RAI1: variants seen among roughly 807,000 people sequenced by gnomAD.
RAI1 encodes retinoic acid-induced protein 1.
In RAI1, 9 loss-of-function variants were observed where a neutral mutation model predicts 123.8. That is an observed-to-expected ratio of 0.07 (90% confidence interval 0.04 to 0.13). The LOEUF is 0.13. Among genes scored for constraint, RAI1 ranks in the 10% least tolerant of loss-of-function variants. The pLI, the probability that RAI1 is intolerant of heterozygous loss-of-function variation, is 1.00. For synonymous variants in RAI1, 1,231 were observed against 1,127.3 expected (o/e 1.09, Z -1.84); for missense variants, 2,256 against 2,545.8 (o/e 0.89, Z 2.45).
chr17:17,774,270 G>A lies in RAI1; in HGVS notation c.-16-18663G>A, dbSNP rs182371341. 1.5e-3 allele frequency among the ~76,000 whole-genome samples: 234 copies of A among 152,340 alleles called. 1 individual carries two copies. The highest frequency in any genetic ancestry group is 5.4e-3 in the African/African-American group (223 of 41,568). The stretch of plus-strand genomic sequence containing the variant: ...ATCCCTATTTTATGGGTGAGGAAGC[G>A]GAAGCCCAGCAAGTTGGGGTGACTC... On this transcript the variant is annotated intron_variant, in intron 2 of 5. Coordinates refer to ENST00000353383, the MANE Select transcript of RAI1 (RefSeq NM_030665.4).
intron 1 of RAI1, among the ~76,000 whole-genome samples, chr17:17,711,903 G>T (rs766083162): frequency 6.6e-6 from 1 of 152,220 alleles, no homozygotes; most frequent in Admixed American, 6.5e-5. Flanking sequence ...ATGTCCCCAG[G>T]CCCAGCCCTT....
chr17:17,732,439 ACTGGATCTG>A (rs1916301984), intron 2 of RAI1, among the ~76,000 whole-genome samples: 1 of 152,152 alleles, frequency 6.6e-6, no homozygotes, highest in African/African-American at 2.4e-5. Context: ...CACTGTGGTG[ACTGGATCTG>A]CCATTCACTT....
intron 1 of RAI1, among the ~76,000 whole-genome samples, chr17:17,690,389 CAAA>C (rs34265723): frequency 2.9e-4 from 36 of 122,250 alleles, no homozygotes; most frequent in Admixed American, 3.5e-4. Context: ...GACCTTGTCT[CAAA>C]AAAAAAAAAA....
chr17:17,807,560 A>C (rs2032619154), intron 4 of RAI1, among the ~76,000 whole-genome samples: 1 of 152,204 alleles, frequency 6.6e-6, no homozygotes, highest in South Asian at 2.1e-4. Flanking sequence ...CCAACCTGTC[A>C]GTGAGTGCCC....
In RAI1 at chr17:17,795,751, G is replaced by A. The variant is rs750084480; in HGVS notation, c.2803G>A (p.Glu935Lys). 52 of 1,613,382 alleles carry A rather than the reference G, an allele frequency of 3.2e-5. No individual in the cohort carries two copies. The highest frequency in any genetic ancestry group is 1.6e-4 in the South Asian group (15 of 91,078). The change falls in exon 3 of 6, where the codon GAG becomes AAG. Residue 935 changes from glutamate to lysine, a missense_variant. Transcript: ENST00000353383. This position sits in a 1 kb window ranked among gnomAD's most constrained non-coding sequence, Gnocchi z 5.9. Reference protein sequence around the residue: ...VILLGPTVGTESKVQSWFESS... With the variant: ...VILLGPTVGTKSKVQSWFESS... The stretch of plus-strand genomic sequence containing the variant: ...CCTGCTGGGCCCTACAGTGGGCACC[G>A]AGTCAAAGGTCCAGAGCTGGTTTGA...
chr17:17,696,327 A>G (rs1246171358), intron 1 of RAI1, among the ~76,000 whole-genome samples: 1 of 151,988 alleles, frequency 6.6e-6, no homozygotes, highest in Non-Finnish European at 1.5e-5. Flanking sequence ...AGACTTTTGG[A>G]AAATATGACA....
At chr17:17,719,587 C>T (rs1453542067) in intron 1 of RAI1, among the ~76,000 whole-genome samples, 1 of 152,198 alleles carries the variant, frequency 6.6e-6, no homozygotes, top group Non-Finnish European at 1.5e-5. Context: ...TTCCATAGCA[C>T]GCTTCACCTA....
chr17:17,797,492 C>T lies in RAI1; in HGVS notation c.4544C>T (p.Pro1515Leu). Residue 1515 changes from proline (P) to leucine (L), a missense_variant, in exon 3 of 6, where the codon CCC (proline) becomes CTC (leucine). Pro to Leu is a moderately conservative substitution (Grantham distance 98). Around this residue, in one of 7 missense-constraint regions of RAI1, gnomAD observed 410 missense variants for 374.6 expected, o/e 1.09. Coordinates refer to ENST00000353383, the MANE Select transcript of RAI1 (RefSeq NM_030665.4). The part of the protein sequence containing the change: ...GLASQPPEGR[P>L]CQPQTRAQKQ... ...GCCTCCCAGCCCCCGGAGGGCAGGC[C>T]CTGCCAGCCCCAGACAAGGGCACAG... 1 of 1,613,292 alleles carries T rather than the reference C, an allele frequency of 6.2e-7. No individual in the cohort carries two copies. Among genetic ancestry groups the T allele is most frequent in the Non-Finnish European group, 8.5e-7 (1 of 1,179,720 alleles).
At chr17:17,728,607 C>A (rs773402263) in intron 2 of RAI1, among the ~76,000 whole-genome samples, 46 of 152,102 alleles carry the variant, frequency 3.0e-4, no homozygotes, top group Non-Finnish European at 6.0e-4. Flanking sequence ...TGGAGCTTCT[C>A]CTTTGAATTT....
intron 1 of RAI1, among the ~76,000 whole-genome samples, chr17:17,683,345 C>G (rs1043795545): frequency 1.3e-5 from 2 of 152,182 alleles, no homozygotes; most frequent in African/African-American, 2.4e-5. Flanking sequence ...CCCCTGCCCC[C>G]CTCCATTCTC....
intron 2 of RAI1, among the ~76,000 whole-genome samples, chr17:17,791,724 C>A (rs2032018623): frequency 1.3e-5 from 2 of 152,216 alleles, no homozygotes; most frequent in Non-Finnish European, 2.9e-5. Flanking sequence ...TCCTCCAAAA[C>A]CTGGGGCATT....
At chr17:17,779,814 G>C (rs1053111299) in intron 2 of RAI1, among the ~76,000 whole-genome samples, 1 of 132,378 alleles carries the variant, frequency 7.6e-6, no homozygotes, top group African/African-American at 2.9e-5. Context: ...TCTCGCCCTT[G>C]CCCAGGCTGG....
In RAI1 at chr17:17,798,042, C is replaced by T; in HGVS notation, c.5094C>T (p.Asp1698=). ...GCCAAAACCCGGCCAACTTCAAGGACCTTGGGGACCTCTGTGGGCCCTACT... is the reference window on the plus strand; with the variant it reads ...GCCAAAACCCGGCCAACTTCAAGGATCTTGGGGACCTCTGTGGGCCCTACT... ...CLCQNPANFK[D]LGDLCGPYYP... is the part of the protein sequence containing the mutation. The change falls in exon 3 of 6, where the codon GAC becomes GAT. Residue 1698 remains aspartate, a synonymous_variant. Coordinates refer to ENST00000353383, the MANE Select transcript of RAI1 (RefSeq NM_030665.4). The T allele has an allele frequency of 3.7e-6, 6 of 1,614,122 alleles. No individual in the cohort carries two copies. The highest frequency in any genetic ancestry group is 5.1e-6 in the Non-Finnish European group (6 of 1,180,024).
In RAI1 at chr17:17,685,728, C is replaced by T. The variant is rs1914605212; in HGVS notation, c.-149+3935C>T. On this transcript the variant is annotated intron_variant, in intron 1 of 5. Coordinates refer to ENST00000353383, the MANE Select transcript of RAI1 (RefSeq NM_030665.4). The surrounding 1 kb of genome is among the most constrained non-coding windows in gnomAD (Gnocchi z 4.0). The stretch of plus-strand genomic sequence containing the variant: ...GATAACCTCCAGTGGCTCCTGCTGC[C>T]TTATGAATAAAGGTCCCATCTGTAG... Among the ~76,000 whole-genome samples, 1 of 152,218 alleles carries T rather than the reference C, an allele frequency of 6.6e-6. No homozygotes were observed. The highest frequency in any genetic ancestry group is 6.5e-5 in the Admixed American group (1 of 15,290).
At position 17,810,846 on chromosome 17, in the gene RAI1, G is replaced by C. The variant is rs770892580; in HGVS notation, c.*865G>C. On this transcript the variant is annotated 3_prime_UTR_variant, in exon 6 of 6. Coordinates refer to ENST00000353383, the MANE Select transcript of RAI1 (RefSeq NM_030665.4). This position sits in a 1 kb window ranked among gnomAD's most constrained non-coding sequence, Gnocchi z 4.6. ...CCGTTGTGCACCACCAGGGACCGCC[G>C]CGCCTACTCTGCACGGGAGCAGGGA... 2.4e-5 allele frequency: 11 copies of C among 451,660 alleles called. No individual in the cohort carries two copies. The highest frequency in any genetic ancestry group is 4.5e-6 in the Non-Finnish European group (1 of 223,260). The allele number at this position is 451,660 out of a possible 1,614,324, so 28.0% of individuals were successfully genotyped here.
At position 17,803,869 on chromosome 17, in the gene RAI1, C is replaced by T. The variant is rs1369490275; in HGVS notation, c.5659+20C>T. 1.9e-6 allele frequency: 3 copies of T among 1,607,684 alleles called. No individual in the cohort carries two copies. Among genetic ancestry groups the T allele is most frequent in the Non-Finnish European group, 2.6e-6 (3 of 1,174,944 alleles). On this transcript the variant is annotated intron_variant, in intron 4 of 5. Transcript: ENST00000353383. ...ATGCAGGTACGAGCCCGCCCAGGAA[C>T]AGGAGGGCATTGGAGCCCATCCAAG...
At chr17:17,719,385 C>T (rs1213672497) in intron 1 of RAI1, among the ~76,000 whole-genome samples, 1 of 152,214 alleles carries the variant, frequency 6.6e-6, no homozygotes, top group African/African-American at 2.4e-5. Flanking sequence ...CCCAGCCTGG[C>T]TGCTGCCTCA....
chr17:17,726,132 G>A (rs1053583847), intron 2 of RAI1, among the ~76,000 whole-genome samples: 3 of 152,162 alleles, frequency 2.0e-5, no homozygotes, highest in African/African-American at 7.2e-5. Flanking sequence ...AGAGGGTCAG[G>A]CAGCAAAGCA....
intron 2 of RAI1, among the ~76,000 whole-genome samples, chr17:17,740,756 T>C (rs562932699): frequency 2.6e-5 from 4 of 152,316 alleles, no homozygotes; most frequent in African/African-American, 9.6e-5. Flanking sequence ...TTGATTTTTG[T>C]ATTGACCTGC....
Sources: gnomAD v4.1 joint callset for allele counts (sites outside exome capture counted in the v4.1 genomes callset) on GRCh38, gnomAD v4.1.1 for gene constraint, gnomAD v4.1.1 regional missense constraint, Gnocchi (gnomAD v3.1) non-coding constraint, MANE v1.5 for transcripts, NCBI Gene and HGNC (gene_info 2026-07-23, HGNC 2026-07-21) for gene names.